Variants in LRRIQ3 observed in about 807,000 individuals in gnomAD.
The protein encoded by LRRIQ3 is leucine-rich repeat and IQ domain-containing protein 3.
A neutral mutation model predicts 59.3 loss-of-function variants in LRRIQ3; 75 were observed. That is an observed-to-expected ratio of 1.26 (90% CI 1.05 to 1.53). The LOEUF (loss-of-function observed/expected upper bound fraction) is 1.53, where lower values mean the gene tolerates loss of function less well. Among genes scored for constraint, LRRIQ3 ranks in the 40% most tolerant of loss-of-function variants. The pLI, the probability that LRRIQ3 is intolerant of heterozygous loss-of-function variation, is 0.00. For synonymous variants in LRRIQ3, 250 were observed against 231.3 expected (o/e 1.08, Z -0.73); for missense variants, 831 against 710.0 (o/e 1.17, Z -1.94).
At chr1:74,186,415 G>A (rs1275734795) in intron 1 of LRRIQ3, among the ~76,000 whole-genome samples, 1 of 152,066 alleles carries the variant, frequency 6.6e-6, no homozygotes, top group Non-Finnish European at 1.5e-5. Flanking sequence ...TTTCCAAAAT[G>A]AGAGGTTCTA....
rs1654057459 is a variant in LRRIQ3, at chr1:74,041,841, A to G, written c.1090T>C (p.Leu364=). ...FKLPIYTSGS[L]KNNAVLREKK... is the part of the protein sequence containing the mutation. ...TCTCTCAATACTGCATTATTCTTCA[A>G]TGAACCTGAAGTGTATATGGGTAGT... is the stretch of plus-strand genomic sequence containing the variant. The change falls in exon 7 of 8, where the codon TTG becomes CTG. Residue 364 remains leucine (L), a synonymous_variant. Transcript: ENST00000354431. 2.5e-6 allele frequency: 4 copies of G among 1,613,484 alleles called. No individual in the cohort carries two copies.
intron 6 of LRRIQ3, among the ~76,000 whole-genome samples, chr1:74,067,857 A>C (rs1165412434): frequency 6.6e-6 from 1 of 152,104 alleles, no homozygotes; most frequent in African/African-American, 2.4e-5. Context: ...AGAAGCAGAC[A>C]GCTTTCCATA....
chr1:74,106,165 G>T (rs771020251), intron 5 of LRRIQ3, among the ~76,000 whole-genome samples: 3 of 151,994 alleles, frequency 2.0e-5, no homozygotes, highest in African/African-American at 7.2e-5. Context: ...CTAAGAAAAA[G>T]ATTAGATCAT....
At chr1:74,121,077 G>A (rs908134403) in intron 4 of LRRIQ3, among the ~76,000 whole-genome samples, 1 of 152,084 alleles carries the variant, frequency 6.6e-6, no homozygotes, top group South Asian at 2.1e-4. Context: ...CTTTTCCTAT[G>A]TGCAGGAATA....
chr1:74,051,141 T>C lies in LRRIQ3; in HGVS notation c.998-9208A>G, dbSNP rs113961255. Among the ~76,000 whole-genome samples, 64 of 152,190 alleles carry C rather than the reference T, an allele frequency of 4.2e-4. 1 individual carries two copies. Among genetic ancestry groups the C allele is most frequent in the Non-Finnish European group, 1.8e-4 (12 of 68,020 alleles). ...TTAGACATTCTGTAAAGAAGTGCTATGCTGGAGCCTATTTCTTTATATTCT... is the reference window on the plus strand; with the variant it reads ...TTAGACATTCTGTAAAGAAGTGCTACGCTGGAGCCTATTTCTTTATATTCT... On this transcript the variant is annotated intron_variant, in intron 6 of 7. Transcript: ENST00000354431.
chr1:74,182,787 C>A lies in LRRIQ3; in HGVS notation c.324G>T (p.Gly108=), dbSNP rs141336710. 6.2e-7 allele frequency: 1 copy of A among 1,609,648 alleles called. No individual in the cohort carries two copies. Among genetic ancestry groups the A allele is most frequent in the South Asian group, 1.1e-5 (1 of 90,494 alleles). Residue 108 remains glycine (G), a synonymous_variant, in exon 3 of 8, where the codon GGG becomes GGT. Coordinates refer to ENST00000354431, the MANE Select transcript of LRRIQ3 (RefSeq NM_001105659.2). ...CACATATATTCTTTAACTTTGCAAACCCATTGTCATGAAGATAGAGTAGTT... is the reference window on the plus strand; with the variant it reads ...CACATATATTCTTTAACTTTGCAAAACCATTGTCATGAAGATAGAGTAGTT... ...NLKLLYLHDN[G]FAKLKNICVL...
At chr1:74,106,430 T>C (rs1224651955) in intron 5 of LRRIQ3, among the ~76,000 whole-genome samples, 2 of 151,936 alleles carry the variant, frequency 1.3e-5, no homozygotes, top group African/African-American at 4.8e-5. Flanking sequence ...TTTTGGGAAA[T>C]GCCCCCATCT....
chr1:74,056,943 G>C (rs1441827849), intron 6 of LRRIQ3, among the ~76,000 whole-genome samples: 5 of 152,098 alleles, frequency 3.3e-5, no homozygotes, highest in South Asian at 2.1e-4. Flanking sequence ...TGTTTTAAAA[G>C]TGGCAGTTTC....
intron 4 of LRRIQ3, among the ~76,000 whole-genome samples, chr1:74,151,872 A>T (rs993840311): frequency 6.6e-6 from 1 of 152,220 alleles, no homozygotes; most frequent in African/African-American, 2.4e-5. Flanking sequence ...GATACTGTGG[A>T]TGCTACACAA....
intron 6 of LRRIQ3, among the ~76,000 whole-genome samples, chr1:74,072,839 T>C (rs1024748621): frequency 1.3e-5 from 2 of 152,168 alleles, no homozygotes; most frequent in African/African-American, 4.8e-5. Context: ...ACTTTGTGTA[T>C]GAAGTTTTGA....
At chr1:74,046,105 T>A (rs962019607) in intron 6 of LRRIQ3, among the ~76,000 whole-genome samples, 1 of 152,162 alleles carries the variant, frequency 6.6e-6, no homozygotes, top group Non-Finnish European at 1.5e-5. Flanking sequence ...TGGAAAAAAC[T>A]ACTTTAAAGT....
chr1:74,109,591 TTTG>T, intron 4 of LRRIQ3, 38 bp from the exon 5 acceptor site: 1 of 1,519,260 alleles, frequency 6.6e-7, no homozygotes, highest in Non-Finnish European at 8.8e-7. Flanking sequence ...TTGTTAGTTT[TTTG>T]CCATTAAAAA....
At chr1:74,083,369 C>T (rs551093485) in intron 5 of LRRIQ3, 4 of 151,850 alleles carry the variant, frequency 2.6e-5, no homozygotes, top group African/African-American at 9.6e-5. Context: ...TAAGGTGACT[C>T]AAAACTGCCC....
Position 74,041,405 on chromosome 1 carries a change from G to C in LRRIQ3, c.1526C>G (p.Ser509Cys). 1 of 1,613,744 alleles carries C rather than the reference G, an allele frequency of 6.2e-7. No homozygotes were observed. The highest frequency in any genetic ancestry group is 8.5e-7 in the Non-Finnish European group (1 of 1,179,878). The change falls in exon 7 of 8, where the codon TCC becomes TGC. Residue 509 changes from serine to cysteine, a missense_variant. Ser to Cys is a moderately radical substitution (Grantham distance 112, BLOSUM62 -1). Transcript: ENST00000354431. ...ERKALFLKEK[S>C]QKASERLLVQ... ...TAATAAACGCTCTGAAGCCTTTTGG[G>C]ATTTTTCTTTTAGAAACAGAGCTTT... is the stretch of plus-strand genomic sequence containing the variant.
chr1:74,134,532 T>G (rs540819918), intron 4 of LRRIQ3, among the ~76,000 whole-genome samples: 1 of 152,002 alleles, frequency 6.6e-6, no homozygotes, highest in African/African-American at 2.4e-5. Flanking sequence ...CCTCTTAATA[T>G]CTTTAAAAGC....
At position 74,026,819 on chromosome 1, in the gene LRRIQ3, T is replaced by C; in HGVS notation, c.1869A>G (p.Ile623Met). The change falls in exon 8 of 8, where the codon ATA (isoleucine) becomes ATG (methionine). Residue 623 changes from isoleucine to methionine, a missense_variant. Transcript: ENST00000354431. ...NLDFKVPNGL[I>M]K ...GATGTGATCTGGCATTGATTCATTT[T>C]ATCAGTCCATTGGGAACTTTAAAGT... 4 of 1,600,704 alleles carry C rather than the reference T, an allele frequency of 2.5e-6. No homozygotes were observed. Among genetic ancestry groups the C allele is most frequent in the Non-Finnish European group, 3.4e-6 (4 of 1,175,418 alleles).
intron 6 of LRRIQ3, among the ~76,000 whole-genome samples, chr1:74,071,151 C>T (rs1023535788): frequency 2.6e-5 from 4 of 151,462 alleles, no homozygotes; most frequent in Non-Finnish European, 5.9e-5. Context: ...TATTGTCTAT[C>T]ATCTATCTAT....
chr1:74,159,199 T>C (rs1045785135), intron 3 of LRRIQ3, among the ~76,000 whole-genome samples: 4 of 152,206 alleles, frequency 2.6e-5, no homozygotes, highest in Non-Finnish European at 4.4e-5. Flanking sequence ...ACTCTGCCTA[T>C]TGCAATAGTT....
At chr1:74,137,557 C>T (rs1020164997) in intron 4 of LRRIQ3, among the ~76,000 whole-genome samples, 10 of 151,824 alleles carry the variant, frequency 6.6e-5, no homozygotes, top group African/African-American at 2.4e-4. Context: ...GGTTGAGAAC[C>T]GGAAATACCA....
Sources: gnomAD v4.1 joint callset for allele counts (sites outside exome capture counted in the v4.1 genomes callset) on GRCh38, gnomAD v4.1.1 for gene constraint, MANE v1.5 for transcripts, NCBI Gene and HGNC (gene_info 2026-07-23, HGNC 2026-07-21) for gene names.